Variants in BCAT1 observed in about 807,000 individuals in gnomAD.
BCAT1 encodes the protein branched-chain-amino-acid aminotransferase, cytosolic.
In BCAT1, 48 loss-of-function variants were observed where a neutral mutation model predicts 52.4. That is an observed-to-expected ratio of 0.92 (90% confidence interval 0.73 to 1.16). BCAT1 has a LOEUF of 1.16. Ranked by LOEUF, BCAT1 falls within the 50% of genes most tolerant of loss-of-function variation. BCAT1 has a pLI of 0.00. For synonymous variants in BCAT1, 167 were observed against 161.3 expected (o/e 1.04, Z -0.27); for missense variants, 451 against 457.1 (o/e 0.99, Z 0.12).
At position 24,942,659 on chromosome 12, in the gene BCAT1, G is replaced by A. The variant is rs139890631; in HGVS notation, c.6+6268C>T. Among the ~76,000 whole-genome samples the A allele has an allele frequency of 8.3e-4, 127 of 152,260 alleles. 2 individuals are homozygous for A. Among genetic ancestry groups the A allele is most frequent in the African/African-American group, 2.9e-3 (121 of 41,536 alleles). On this transcript the variant is annotated intron_variant, in intron 1 of 10. Transcript: ENST00000261192. ...CATGGCCATACTGGCCTTCTCCTTT[G>A]ACAGGTACAACAGGTAGGGGAAGTT...
chr12:24,827,610 G>A (rs1940459666), intron 10 of BCAT1, among the ~76,000 whole-genome samples: 1 of 152,076 alleles, frequency 6.6e-6, no homozygotes, highest in African/African-American at 2.4e-5. Flanking sequence ...TGGCCAACAT[G>A]GCGAAACCTC....
rs539581220 is a variant in BCAT1, at chr12:24,887,412, G to C, written c.280-6001C>G. 5.9e-5 allele frequency among the ~76,000 whole-genome samples: 9 copies of C among 151,496 alleles called. No homozygotes were observed. In the South Asian group the frequency reaches 1.9e-3, roughly 31 times the overall value. ...ATAAGGGGTATTCACACGTGTGCAAGCACACACACACACATGCACACAAAC... is the reference window on the plus strand; with the variant it reads ...ATAAGGGGTATTCACACGTGTGCAACCACACACACACACATGCACACAAAC... On this transcript the variant is annotated intron_variant, in intron 3 of 10. Coordinates refer to ENST00000261192, the MANE Select transcript of BCAT1 (RefSeq NM_005504.7).
chr12:24,837,146 A>AAGGAAGAAAGAGAAGGAAGGAAGGGAGGG lies in BCAT1; in HGVS notation c.818-551_818-550insCCCTCCCTTCCTTCCTTCTCTTTCTTCCT, dbSNP rs66475442. On this transcript the variant is annotated intron_variant, in intron 7 of 10. Transcript: ENST00000261192. ...GGAGGAAGGGGGGAGGGAAGGAAGG[A>AAGGAAGAAAGAGAAGGAAGGAAGGGAGGG]AAGTTATCTAATCATCTTCAGTTTA... 9.8e-5 allele frequency among the ~76,000 whole-genome samples: 9 copies of AAGGAAGAAAGAGAAGGAAGGAAGGGAGGG among 92,020 alleles called. 1 individual carries two copies. Among genetic ancestry groups the AAGGAAGAAAGAGAAGGAAGGAAGGGAGGG allele is most frequent in the Admixed American group, 9.3e-4 (9 of 9,728 alleles). The allele number at this position is 92,020 out of a possible 152,430, so 60.4% of individuals were successfully genotyped here. A position where few individuals can be genotyped will look rare whatever the true frequency, so the allele number is the denominator to read the frequency against.
intron 1 of BCAT1, among the ~76,000 whole-genome samples, chr12:24,915,613 G>T (rs186286978): frequency 6.6e-6 from 1 of 152,264 alleles, no homozygotes; most frequent in Non-Finnish European, 1.5e-5. Context: ...AATTTTGCCA[G>T]TTGAAAGAAA....
At chr12:24,936,712 A>ATCTCCCTCTCTCTCTCTCTCTCTCTCTC (rs1943759879) in intron 1 of BCAT1, among the ~76,000 whole-genome samples, 1 of 111,998 alleles carries the variant, frequency 8.9e-6, no homozygotes, top group Non-Finnish European at 2.2e-5. Context: ...TTAAATCTCA[A>ATCTCCCTCTCTCTCTCTCTCTCTCTCTC]TCTCTCTCTC....
chr12:24,904,798 T>A (rs1183420522), intron 1 of BCAT1: 1 of 152,264 alleles, frequency 6.6e-6, no homozygotes, highest in Non-Finnish European at 1.5e-5. Flanking sequence ...GAGCATACCA[T>A]CATCCTGTTA....
chr12:24,936,761 A>G (rs1196137341), intron 1 of BCAT1, among the ~76,000 whole-genome samples: 3 of 142,010 alleles, frequency 2.1e-5, no homozygotes, highest in Non-Finnish European at 4.8e-5. Context: ...ACATACACAC[A>G]CACCCCTTTG....
rs558756347 is a variant in BCAT1, at chr12:24,817,244, T to C, written c.*764A>G. On this transcript the variant is annotated 3_prime_UTR_variant, in exon 11 of 11. Transcript: ENST00000261192. ...TATAGAAACAAAGAAGGTACACTTC[T>C]ATAGAAGCAAAATGTTCACTGATTC... The C allele has an allele frequency of 6.6e-6, 1 of 152,376 alleles. No individual in the cohort carries two copies. Among genetic ancestry groups the C allele is most frequent in the East Asian group, 1.9e-4 (1 of 5,194 alleles). The allele number at this position is 152,376 out of a possible 1,614,324, so 9.4% of individuals were successfully genotyped here.
chr12:24,943,493 GAAAAAAAAAAAAA>G (rs4031153), intron 1 of BCAT1, among the ~76,000 whole-genome samples: 1 of 58,528 alleles, frequency 1.7e-5, no homozygotes, highest in Non-Finnish European at 3.2e-5. Flanking sequence ...ACCCTATCTG[GAAAAAAAAAAAAA>G]AAAAAAAAAA....
Position 24,949,079 on chromosome 12 carries a change from G to T in BCAT1, c.-147C>A. ...GGGGCAGTGCCCGAGGCGGCGGCGA[G>T]TACACGTGGCGGGCTGGATTGCAGA... On this transcript the variant is annotated 5_prime_UTR_variant, in exon 1 of 11. Transcript: ENST00000261192. The T allele has an allele frequency of 1.4e-6, 1 of 734,698 alleles. No homozygotes were observed. Among genetic ancestry groups the T allele is most frequent in the Non-Finnish European group, 2.2e-6 (1 of 449,028 alleles). 45.5% of individuals were successfully genotyped at this position (734,698 alleles called of 1,614,324 possible). A position where few individuals can be genotyped will look rare whatever the true frequency, so the allele number is the denominator to read the frequency against.
At chr12:24,919,769 A>C (rs1358780627) in intron 1 of BCAT1, among the ~76,000 whole-genome samples, 2 of 152,158 alleles carry the variant, frequency 1.3e-5, no homozygotes, top group East Asian at 3.8e-4. Flanking sequence ...TTGTAGCTCC[A>C]CGTGTTGTGG....
intron 5 of BCAT1, among the ~76,000 whole-genome samples, chr12:24,877,886 G>A (rs1425770612): frequency 2.0e-5 from 3 of 152,174 alleles, no homozygotes; most frequent in South Asian, 4.1e-4. Flanking sequence ...AGGTGAAGTG[G>A]CTCATGCCTG....
chr12:24,810,740 C>T lies in BCAT1; in HGVS notation c.*7268G>A, dbSNP rs537196332. ...CTCTGACATTTTTAAGTTCAGTTTA[C>T]AGTAACTCTTTGCAAAACTTCAGGT... On this transcript the variant is annotated 3_prime_UTR_variant, in exon 11 of 11. Transcript: ENST00000261192. The T allele has an allele frequency of 5.6e-4, 86 of 152,302 alleles. No individual in the cohort carries two copies. The highest frequency in any genetic ancestry group is 2.1e-3 in the African/African-American group (86 of 41,572). 9.4% of individuals were successfully genotyped at this position (152,302 alleles called of 1,614,324 possible).
At chr12:24,834,881 C>G (rs1940851511) in intron 8 of BCAT1, 1 of 809,854 alleles carries the variant, frequency 1.2e-6, no homozygotes, top group African/African-American at 1.9e-5. Context: ...CCTTACTTAT[C>G]TTTGGACAAT....
At chr12:24,898,017 A>G (rs997810225) in intron 2 of BCAT1, among the ~76,000 whole-genome samples, 1 of 152,212 alleles carries the variant, frequency 6.6e-6, no homozygotes, top group African/African-American at 2.4e-5. Flanking sequence ...TTACTAGGTG[A>G]TAGAATTGAA....
At chr12:24,822,442 C>A (rs1252004946) in intron 10 of BCAT1, among the ~76,000 whole-genome samples, 2 of 152,196 alleles carry the variant, frequency 1.3e-5, no homozygotes, top group East Asian at 1.9e-4. Context: ...TTTATCAGAG[C>A]ACTTTGTAGA....
At position 24,948,924 on chromosome 12, in the gene BCAT1, T is replaced by C; in HGVS notation, c.6+3A>G. On this transcript the variant is annotated splice_donor_region_variant and intron_variant, in intron 1 of 10. Coordinates refer to ENST00000261192, the MANE Select transcript of BCAT1 (RefSeq NM_005504.7). The stretch of plus-strand genomic sequence containing the variant: ...AAACACGGACAAAACCATAAGTAGT[T>C]ACCTTCATTGTTCCGTCGGCCACGA... The C allele has an allele frequency of 6.3e-7, 1 of 1,596,682 alleles. No homozygotes were observed. Among genetic ancestry groups the C allele is most frequent in the South Asian group, 1.1e-5 (1 of 87,734 alleles).
intron 5 of BCAT1, among the ~76,000 whole-genome samples, chr12:24,874,325 A>G (rs1034761867): frequency 2.3e-4 from 35 of 152,232 alleles, no homozygotes; most frequent in African/African-American, 8.2e-4. Flanking sequence ...AAAATAAAAT[A>G]AAACAAAATA....
At chr12:24,859,728 G>T (rs374011154) in intron 5 of BCAT1, among the ~76,000 whole-genome samples, 3 of 151,690 alleles carry the variant, frequency 2.0e-5, no homozygotes, top group Admixed American at 6.6e-5. Flanking sequence ...ATAATATCAA[G>T]TGTTTTAAAT....
Sources: gnomAD v4.1 joint callset for allele counts (sites outside exome capture counted in the v4.1 genomes callset) on GRCh38, gnomAD v4.1.1 for gene constraint, MANE v1.5 for transcripts, NCBI Gene and HGNC (gene_info 2026-07-23, HGNC 2026-07-21) for gene names.